The following ATP10B variants were observed in gnomAD, a reference collection of about 807,000 sequenced individuals.
ATP10B encodes phospholipid-transporting ATPase VB.
Under a neutral mutation model 141.2 loss-of-function variants are expected in ATP10B, and 122 were observed. The observed-to-expected ratio is 0.86, with a 90% CI of 0.75 to 1.00. ATP10B has a LOEUF of 1.00. Among genes scored for constraint, ATP10B ranks in the 50% least tolerant of loss-of-function variants. The probability of loss-of-function intolerance (pLI) is 0.00; values close to 1 mark genes in which losing one functional copy is unlikely to be tolerated. For synonymous variants in ATP10B, 685 were observed against 692.0 expected, an observed-to-expected ratio of 0.99 and a Z score of 0.16; for missense variants, 1,876 against 1,825.3, an observed-to-expected ratio of 1.03 and a Z score of -0.51.
chr5:160,569,403 A>C, intron 25 of ATP10B, 93 bp downstream of exon 25: 1 of 1,247,596 alleles, frequency 8.0e-7, no homozygotes, highest in Non-Finnish European at 1.1e-6. Context: ...GGATGCCAGC[A>C]GAAGTCAAAC....
chr5:160,863,911 C>A, the ATP10B span, among the ~76,000 whole-genome samples: 1 of 151,972 alleles, frequency 6.6e-6, no homozygotes, highest in Non-Finnish European at 1.5e-5. Flanking sequence ...AATAGAAACC[C>A]TGAATGGACC....
chr5:160,659,801 T>C (rs984445835), intron 7 of ATP10B, among the ~76,000 whole-genome samples: 19 of 152,210 alleles, frequency 1.2e-4, no homozygotes, highest in African/African-American at 4.6e-4. Flanking sequence ...AGAATTTTCA[T>C]ACATATGAAA....
At chr5:160,599,514 C>G (rs1409960947) in intron 21 of ATP10B, among the ~76,000 whole-genome samples, 1 of 152,134 alleles carries the variant, frequency 6.6e-6, no homozygotes, top group Non-Finnish European at 1.5e-5. Context: ...AATAGTAGTA[C>G]TTAGACCAAT....
the ATP10B span, among the ~76,000 whole-genome samples, chr5:160,868,192 C>CGTA: frequency 2.6e-5 from 4 of 152,214 alleles, no homozygotes; most frequent in Admixed American, 2.0e-4. Flanking sequence ...TATGATGTGG[C>CGTA]GTAGCAGCTA....
intron 3 of ATP10B, among the ~76,000 whole-genome samples, chr5:160,707,176 C>G (rs1765069592): frequency 6.6e-6 from 1 of 152,180 alleles, no homozygotes; most frequent in Admixed American, 6.5e-5. Flanking sequence ...GTCTTAAACT[C>G]CTGACCTCAG....
At chr5:160,925,186 G>A in the ATP10B span, among the ~76,000 whole-genome samples, 1 of 152,326 alleles carries the variant, frequency 6.6e-6, no homozygotes, top group South Asian at 2.1e-4. Flanking sequence ...AGAGTTCAAA[G>A]TTCTAATCCT....
At chr5:160,642,705 C>A (rs370507958) in intron 9 of ATP10B, among the ~76,000 whole-genome samples, 1 of 152,156 alleles carries the variant, frequency 6.6e-6, no homozygotes, top group African/African-American at 2.4e-5. Flanking sequence ...CATAGTTTTG[C>A]GGGCCTGATG....
At chr5:160,744,388 G>A (rs1767669253) in intron 2 of ATP10B, among the ~76,000 whole-genome samples, 1 of 152,164 alleles carries the variant, frequency 6.6e-6, no homozygotes, top group African/African-American at 2.4e-5. Flanking sequence ...GGAGACAGCA[G>A]ACAAGGTTGT....
chr5:160,889,338 G>A, the ATP10B span, among the ~76,000 whole-genome samples: 2,643 of 152,296 alleles, frequency 0.017, 73 homozygotes, highest in African/African-American at 0.059. Flanking sequence ...TACTCTTCAA[G>A]GTAAGACCTG....
chr5:160,732,556 C>T (rs1355718183), intron 2 of ATP10B, among the ~76,000 whole-genome samples: 1 of 152,098 alleles, frequency 6.6e-6, no homozygotes, highest in Non-Finnish European at 1.5e-5. Flanking sequence ...ATTGAAGAGG[C>T]TATGTTTTCC....
intron 8 of ATP10B, among the ~76,000 whole-genome samples, chr5:160,646,923 T>TG (rs1030692107): frequency 3.3e-5 from 5 of 152,084 alleles, no homozygotes; most frequent in Non-Finnish European, 4.4e-5. Flanking sequence ...TCTGCTGGGG[T>TG]GGGGGGCTGT....
At chr5:160,770,438 A>AT (rs1051340831) in intron 2 of ATP10B, among the ~76,000 whole-genome samples, 18 of 152,042 alleles carry the variant, frequency 1.2e-4, no homozygotes, top group East Asian at 7.7e-4. Context: ...AGCTGAACAC[A>AT]TTTTTTTTCC....
intron 1 of ATP10B, among the ~76,000 whole-genome samples, chr5:160,786,224 A>T (rs1338350298): frequency 6.6e-6 from 1 of 152,170 alleles, no homozygotes; most frequent in African/African-American, 2.4e-5. Context: ...TGTATTTGCA[A>T]TGATGAAGAT....
chr5:160,685,528 G>C (rs868304527), intron 6 of ATP10B: 26 of 251,806 alleles, frequency 1.0e-4, no homozygotes, highest in Non-Finnish European at 1.3e-4. Flanking sequence ...AAACCTACCT[G>C]GTTCTAAAAG....
intron 6 of ATP10B, among the ~76,000 whole-genome samples, chr5:160,674,530 T>C (rs1199846791): frequency 6.6e-6 from 1 of 152,214 alleles, no homozygotes; most frequent in Non-Finnish European, 1.5e-5. Context: ...AGGTCACTGC[T>C]CTACTGGTTA....
chr5:160,749,426 C>T (rs1051149743), intron 2 of ATP10B, among the ~76,000 whole-genome samples: 1 of 152,146 alleles, frequency 6.6e-6, no homozygotes, highest in Non-Finnish European at 1.5e-5. Context: ...TTCCACAACC[C>T]AGCTGCCCTC....
rs1759149567 is a variant in ATP10B at position 160,634,075 on chromosome 5, C to T, written c.1381+279G>A. The T allele has an allele frequency of 5.9e-6, 3 of 504,898 alleles. No individual in the cohort carries two copies. The South Asian group carries it at 6.0e-5, about 10-fold the overall frequency. 31.3% of individuals were successfully genotyped at this position (504,898 alleles called of 1,614,324 possible). A position where few individuals can be genotyped will look rare whatever the true frequency, so the allele number is the denominator to read the frequency against. On this transcript the variant is annotated intron_variant, in intron 12 of 25. Coordinates refer to ENST00000327245, the MANE Select transcript of ATP10B (RefSeq NM_025153.3). ...ATCCATTGCTGACAGATAAAAAACT[C>T]GTCTCATAAAGTGCTTTGTCTGGCA...
At chr5:160,573,346 G>A (rs11948945) in intron 24 of ATP10B, among the ~76,000 whole-genome samples, 14,914 of 152,250 alleles carry the variant, frequency 0.098, 1,777 homozygotes, top group African/African-American at 0.29. Context: ...CATGAGAAAT[G>A]AATCTGTTAT....
chr5:160,822,993 T>C (rs915920014), intron 1 of ATP10B, among the ~76,000 whole-genome samples: 264 of 77,730 alleles, frequency 3.4e-3, no homozygotes, highest in Non-Finnish European at 4.5e-3. Context: ...CATATACATA[T>C]ATATATACAT....
Sources: gnomAD v4.1 joint callset for allele counts (sites outside exome capture counted in the v4.1 genomes callset) on GRCh38, gnomAD v4.1.1 for gene constraint, MANE v1.5 for transcripts, NCBI Gene and HGNC (gene_info 2026-07-23, HGNC 2026-07-21) for gene names.